EHD2: variants seen among roughly 807,000 people sequenced by gnomAD.
EHD2 encodes EH domain containing 2, also known as EH domain-containing protein 2.
In EHD2, 27 loss-of-function variants were observed where a neutral mutation model predicts 41.0. That is an observed-to-expected ratio of 0.66 (90% confidence interval 0.49 to 0.91). EHD2 has a LOEUF of 0.91. Ranked by LOEUF, EHD2 falls within the 40% of genes least tolerant of loss-of-function variation. The probability of loss-of-function intolerance (pLI) is 0.00; values close to 1 mark genes in which losing one functional copy is unlikely to be tolerated. For synonymous variants in EHD2, 342 were observed against 341.0 expected, an observed-to-expected ratio of 1.00 and a Z score of -0.03; for missense variants, 673 against 773.9, an observed-to-expected ratio of 0.87 and a Z score of 1.55.
chr19:47,716,518 G>A (rs772145226), intron 1 of EHD2, 40 bp from the exon 2 acceptor site: 3 of 1,385,362 alleles, frequency 2.2e-6, no homozygotes, highest in South Asian at 1.6e-5. Flanking sequence ...TTCCTCCTTG[G>A]CTGGGCCGCC....
chr19:47,739,274 A>ATTTTTT (rs57266469), intron 5 of EHD2, among the ~76,000 whole-genome samples: 5 of 116,056 alleles, frequency 4.3e-5, no homozygotes, highest in African/African-American at 1.2e-4. Flanking sequence ...CTAATTTTTA[A>ATTTTTT]TTTTTTTTTT....
chr19:47,737,557 C>T (rs573253929), intron 5 of EHD2, among the ~76,000 whole-genome samples: 4 of 148,958 alleles, frequency 2.7e-5, no homozygotes, highest in East Asian at 2.0e-4. Context: ...CTGGGGAGGC[C>T]GAGGCAGGAG....
intron 1 of EHD2, 22 bp from the exon 2 acceptor site, chr19:47,716,536 A>C: frequency 3.5e-6 from 5 of 1,431,406 alleles, no homozygotes; most frequent in South Asian, 1.5e-5. Flanking sequence ...GCCTATGCTC[A>C]TGCCCTCTCC....
chr19:47,715,365 C>T (rs978157708), intron 1 of EHD2, among the ~76,000 whole-genome samples: 4 of 152,014 alleles, frequency 2.6e-5, no homozygotes, highest in East Asian at 1.9e-4. Context: ...TTGCACGCAC[C>T]GTCCTCTCTG....
intron 4 of EHD2, among the ~76,000 whole-genome samples, chr19:47,733,794 GAA>G (rs1219319099): frequency 7.9e-6 from 1 of 127,222 alleles, no homozygotes; most frequent in African/African-American, 2.7e-5. Context: ...CCATTTGGGA[GAA>G]AAAAAGAGTG....
chr19:47,733,751 CA>C (rs34254815), intron 4 of EHD2, among the ~76,000 whole-genome samples: 15,673 of 56,362 alleles, frequency 0.28, 689 homozygotes, highest in Middle Eastern at 0.51. Flanking sequence ...GACTCTGTCT[CA>C]AAAAAAAAAA....
rs1336593684 is a variant in EHD2 at position 47,713,512 on chromosome 19, C to G, written c.-82C>G. On this transcript the variant is annotated 5_prime_UTR_variant, in exon 1 of 6. Transcript: ENST00000263277. Reference sequence around the variant, plus strand: ...CCACCCTCTCCCAGCCTGCCCAGCCCGCTGCAGCCGCCAGCGCGCCCCGTC... The same window carrying G: ...CCACCCTCTCCCAGCCTGCCCAGCCGGCTGCAGCCGCCAGCGCGCCCCGTC... The G allele has an allele frequency of 6.5e-6, 1 of 152,886 alleles. No homozygotes were observed. Among genetic ancestry groups the G allele is most frequent in the Non-Finnish European group, 1.5e-5 (1 of 68,582 alleles). The allele number at this position is 152,886 out of a possible 1,614,324, so 9.5% of individuals were successfully genotyped here.
At chr19:47,738,779 C>T (rs1344261052) in intron 5 of EHD2, among the ~76,000 whole-genome samples, 3 of 152,180 alleles carry the variant, frequency 2.0e-5, no homozygotes, top group African/African-American at 7.2e-5. Context: ...CCTTCAGAGT[C>T]GTGATCAGCT....
In EHD2 at chr19:47,718,825, TG is replaced by T. The variant is rs1158955037; in HGVS notation, c.502+224del. On this transcript the variant is annotated intron_variant, in intron 3 of 5. Transcript: ENST00000263277. ...CTCCTGGGTCTGAGGGAGGAGGGGCTGGGGGCCTGGACTCCTGGGTCTGAGG... is the reference window on the plus strand; with the variant it reads ...CTCCTGGGTCTGAGGGAGGAGGGGCTGGGGCCTGGACTCCTGGGTCTGAGG... 8.6e-4 allele frequency among the ~76,000 whole-genome samples: 90 copies of T among 104,084 alleles called. 1 individual carries two copies. The highest frequency in any genetic ancestry group is 3.0e-3 in the African/African-American group (74 of 24,614). 68.3% of individuals were successfully genotyped at this position (104,084 alleles called of 152,430 possible).
intron 5 of EHD2, among the ~76,000 whole-genome samples, chr19:47,738,920 C>T (rs1966953044): frequency 6.6e-6 from 1 of 152,096 alleles, no homozygotes; most frequent in South Asian, 2.1e-4. Flanking sequence ...CCAAGTCCAC[C>T]CCTACACCCC....
chr19:47,716,366 C>T (rs1291499221), intron 1 of EHD2, among the ~76,000 whole-genome samples, 192 bp from the exon 2 acceptor site: 4 of 152,146 alleles, frequency 2.6e-5, no homozygotes, highest in Non-Finnish European at 5.9e-5. Flanking sequence ...TGTGAGCCAT[C>T]GCGCCTGGCC....
intron 3 of EHD2, among the ~76,000 whole-genome samples, chr19:47,722,923 A>G (rs1428599203): frequency 6.6e-6 from 1 of 152,172 alleles, no homozygotes; most frequent in Non-Finnish European, 1.5e-5. Context: ...GGGTCAGAAC[A>G]GTGCCCACCT....
chr19:47,718,682 CTGGGCCCGGACTCCTGGGTCTGAG>C (rs1973658823), intron 3 of EHD2, 76 bp downstream of exon 3: 1 of 1,256,564 alleles, frequency 8.0e-7, no homozygotes, highest in African/African-American at 1.8e-5. Context: ...GGAGGAGGGA[CTGGGCCCGGACTCCTGGGTCTGAG>C]GGAGGAGGGG....
At chr19:47,737,870 G>GACCAAGAACACTTTCTAGAACA in intron 5 of EHD2, among the ~76,000 whole-genome samples, 1 of 148,130 alleles carries the variant, frequency 6.8e-6, no homozygotes, top group East Asian at 2.0e-4. Context: ...CACCATGCCT[G>GACCAAGAACACTTTCTAGAACA]GCTAGCTTTT....
intron 5 of EHD2, among the ~76,000 whole-genome samples, chr19:47,740,514 G>A (rs1966974655): frequency 6.6e-6 from 1 of 152,122 alleles, no homozygotes; most frequent in Non-Finnish European, 1.5e-5. Flanking sequence ...TTGGGAGGCT[G>A]AGGCGGGCGA....
At chr19:47,735,360 C>T (rs1029454463) in intron 4 of EHD2, among the ~76,000 whole-genome samples, 1 of 152,072 alleles carries the variant, frequency 6.6e-6, no homozygotes, top group Non-Finnish European at 1.5e-5. Context: ...AGAGGAGGAG[C>T]CCAGGGTGAG....
At chr19:47,726,920 C>A (rs1973759596) in intron 4 of EHD2, among the ~76,000 whole-genome samples, 1 of 152,154 alleles carries the variant, frequency 6.6e-6, no homozygotes, top group African/African-American at 2.4e-5. Context: ...TCAAGTGATC[C>A]TCCCCTTTTG....
intron 3 of EHD2, among the ~76,000 whole-genome samples, chr19:47,724,026 A>T (rs1490096406): frequency 6.6e-6 from 1 of 150,808 alleles, no homozygotes; most frequent in Non-Finnish European, 1.5e-5. Context: ...GCCAGGCATT[A>T]TTTTAAGCTC....
At chr19:47,718,642 G>A in intron 3 of EHD2, 36 bp downstream of exon 3, 2 of 1,539,940 alleles carry the variant, frequency 1.3e-6, no homozygotes, top group South Asian at 2.4e-5. Context: ...TGAGGGAGGA[G>A]GGGCTGGGGC....
Sources: allele counts gnomAD v4.1 joint callset (sites outside exome capture counted in the v4.1 genomes callset), GRCh38; gene constraint gnomAD v4.1.1; transcripts MANE v1.5; gene names NCBI Gene and HGNC (gene_info 2026-07-23, HGNC 2026-07-21).